Variants in HTRA1 observed in about 807,000 individuals in gnomAD.
The protein encoded by HTRA1 is serine protease HTRA1.
In HTRA1, 26 loss-of-function variants were observed where a neutral mutation model predicts 49.7. The observed-to-expected ratio is 0.52, with a 90% CI of 0.38 to 0.73. The LOEUF (loss-of-function observed/expected upper bound fraction) is 0.73, where lower values mean the gene tolerates loss of function less well. Among genes scored for constraint, HTRA1 ranks in the 30% least tolerant of loss-of-function variants. HTRA1 has a pLI of 0.00. For missense variants in HTRA1, 561 were observed against 667.2 expected, an observed-to-expected ratio of 0.84 and a Z score of 1.75; for synonymous variants, 291 against 286.9, an observed-to-expected ratio of 1.01 and a Z score of -0.14.
intron 1 of HTRA1, among the ~76,000 whole-genome samples, chr10:122,465,518 C>T (rs967513316): frequency 1.9e-4 from 29 of 152,194 alleles, no homozygotes; most frequent in African/African-American, 6.0e-4. Context: ...GAGCCTCGTT[C>T]ATAACCACCA....
At chr10:122,499,897 C>T (rs1466106756) in intron 3 of HTRA1, among the ~76,000 whole-genome samples, 1 of 152,230 alleles carries the variant, frequency 6.6e-6, no homozygotes, top group East Asian at 1.9e-4. Context: ...CTAGAAGTCC[C>T]AGCCTCCAGA....
intron 1 of HTRA1, among the ~76,000 whole-genome samples, chr10:122,483,047 T>A (rs1339754876): frequency 6.6e-6 from 1 of 152,186 alleles, no homozygotes; most frequent in Non-Finnish European, 1.5e-5. Context: ...TGCAACAAAT[T>A]TTGTTCAGTG....
intron 8 of HTRA1, 130 bp downstream of exon 8, chr10:122,512,195 G>A (rs544286726): frequency 6.4e-6 from 5 of 777,294 alleles, no homozygotes; most frequent in Non-Finnish European, 1.1e-5. Flanking sequence ...GTGGTCGGAC[G>A]TTGCTTGTCA....
chr10:122,505,590 C>T (rs2097502704), intron 3 of HTRA1, among the ~76,000 whole-genome samples: 1 of 152,182 alleles, frequency 6.6e-6, no homozygotes, highest in African/African-American at 2.4e-5. Flanking sequence ...CTGCTCCATC[C>T]CTGGTGGAGG....
Position 122,510,266 on chromosome 10 carries a change from T to C in HTRA1, c.1178+113T>C. On this transcript the variant is annotated intron_variant, in intron 7 of 8. Transcript: ENST00000368984. ...CTTATGCTGCCTTAAGACGTCTCAG[T>C]TTCTGCTTATAATGAAGTAGCATCG... is the stretch of plus-strand genomic sequence containing the variant. 1.7e-5 allele frequency: 14 copies of C among 840,230 alleles called. No individual in the cohort carries two copies. The South Asian group carries it at 2.0e-4, about 12-fold the overall frequency. The allele number at this position is 840,230 out of a possible 1,614,324, so 52.0% of individuals were successfully genotyped here. A position where few individuals can be genotyped will look rare whatever the true frequency, so the allele number is the denominator to read the frequency against.
At position 122,465,563 on chromosome 10, in the gene HTRA1, A is replaced by G. The variant is rs113832738; in HGVS notation, c.472+3439A>G. ...GTTGACAGAGCAACAGAGATTTTAAACCAACCCCAGCTAAGCCCCAGCTAA... is the reference window on the plus strand; with the variant it reads ...GTTGACAGAGCAACAGAGATTTTAAGCCAACCCCAGCTAAGCCCCAGCTAA... On this transcript the variant is annotated intron_variant, in intron 1 of 8. Transcript: ENST00000368984. 1.8e-3 allele frequency among the ~76,000 whole-genome samples: 280 copies of G among 152,246 alleles called. 3 individuals carry two copies. The highest frequency in any genetic ancestry group is 6.5e-3 in the African/African-American group (269 of 41,546).
At chr10:122,508,569 G>T in intron 5 of HTRA1, 87 bp from the exon 6 acceptor site, 1 of 881,090 alleles carries the variant, frequency 1.1e-6, no homozygotes, top group Admixed American at 1.7e-5. Flanking sequence ...AATAGCTCAG[G>T]GACTTCTTTC....
intron 1 of HTRA1, among the ~76,000 whole-genome samples, chr10:122,465,803 AGCCCTTCC>A (rs1297818018): frequency 2.0e-5 from 3 of 152,212 alleles, no homozygotes; most frequent in Non-Finnish European, 4.4e-5. Context: ...GAAGAGAGAA[AGCCCTTCC>A]AGATTCCCCC....
At chr10:122,462,873 C>G (rs890397183) in intron 1 of HTRA1, among the ~76,000 whole-genome samples, 1 of 152,260 alleles carries the variant, frequency 6.6e-6, no homozygotes, top group Non-Finnish European at 1.5e-5. Context: ...GTCTACCCCT[C>G]TGTTCCTACA....
intron 1 of HTRA1, among the ~76,000 whole-genome samples, chr10:122,486,036 G>A (rs925465317): frequency 2.0e-5 from 3 of 152,158 alleles, no homozygotes; most frequent in Non-Finnish European, 2.9e-5. Flanking sequence ...TGCTCGGGGG[G>A]ACACACCAAT....
chr10:122,464,510 A>T lies in HTRA1; in HGVS notation c.472+2386A>T, dbSNP rs902033693. 6.6e-6 allele frequency among the ~76,000 whole-genome samples: 1 copy of T among 152,240 alleles called. No homozygotes were observed. Among genetic ancestry groups the T allele is most frequent in the Admixed American group, 6.5e-5 (1 of 15,284 alleles). On this transcript the variant is annotated intron_variant, in intron 1 of 8. Transcript: ENST00000368984. The surrounding 1 kb of genome is among the most constrained non-coding windows in gnomAD (Gnocchi z 4.8). ...CCGTTTGCATGTTTGTCTGTCTGGC[A>T]CATCGGAGGTACTTGGTACGAGTGG...
rs940334822 is a variant in HTRA1, at chr10:122,461,877, G to T, written c.225G>T (p.Ala75=). The T allele has an allele frequency of 6.5e-6, 8 of 1,238,112 alleles. No individual in the cohort carries two copies. In the South Asian group the frequency reaches 9.8e-5, roughly 15 times the overall value. 76.7% of individuals were successfully genotyped at this position (1,238,112 alleles called of 1,614,324 possible). A position where few individuals can be genotyped will look rare whatever the true frequency, so the allele number is the denominator to read the frequency against. Residue 75 remains alanine, a synonymous_variant, in exon 1 of 9, where the codon GCG becomes GCT. Coordinates refer to ENST00000368984, the MANE Select transcript of HTRA1 (RefSeq NM_002775.5). The part of the protein sequence containing the change: ...CEVCGAPEGA[A]CGLQEGPCGE... ...TGTGCGGCGCGCCCGAGGGCGCCGC[G>T]TGCGGCCTGCAGGAGGGCCCGTGCG...
intron 1 of HTRA1, among the ~76,000 whole-genome samples, chr10:122,480,223 G>A (rs1379482421): frequency 1.3e-5 from 2 of 151,972 alleles, no homozygotes; most frequent in Middle Eastern, 6.3e-3. Context: ...GCCGAAAGGT[G>A]TGACCTTTCT....
At chr10:122,512,264 C>A (rs1228193524) in intron 8 of HTRA1, among the ~76,000 whole-genome samples, 199 bp downstream of exon 8, 1 of 152,086 alleles carries the variant, frequency 6.6e-6, no homozygotes, top group African/African-American at 2.4e-5. Flanking sequence ...TAGGAGGGTG[C>A]CTTCTGTCTT....
intron 1 of HTRA1, among the ~76,000 whole-genome samples, chr10:122,477,776 G>T (rs955149982): frequency 2.6e-5 from 4 of 151,924 alleles, no homozygotes; most frequent in African/African-American, 7.3e-5. Flanking sequence ...TCCTTTCATG[G>T]TCGAGAGGTT....
intron 1 of HTRA1, among the ~76,000 whole-genome samples, chr10:122,478,392 A>ATTT (rs34977432): frequency 0.42 from 49,310 of 118,482 alleles, 12,230 homozygotes; most frequent in African/African-American, 0.59. Flanking sequence ...AGTTTGACAG[A>ATTT]TTTTTTTTTT....
chr10:122,472,568 ATATTTT>A (rs1318699012), intron 1 of HTRA1, among the ~76,000 whole-genome samples: 2 of 151,818 alleles, frequency 1.3e-5, no homozygotes, highest in African/African-American at 4.8e-5. Flanking sequence ...GCTACCTTTT[ATATTTT>A]TAAGTAGAGA....
Position 122,489,521 on chromosome 10 carries a change from C to T in HTRA1, c.672C>T (p.Asn224=), listed in dbSNP as rs756634374. 1.2e-6 allele frequency: 2 copies of T among 1,614,188 alleles called. No homozygotes were observed. The highest frequency in any genetic ancestry group is 1.7e-6 in the Non-Finnish European group (2 of 1,180,028). ...LIVTNAHVVT[N]KHRVKVELKN... ...TGACAAATGCCCACGTGGTGACCAA[C>T]AAGCACCGGGTCAAAGTTGAGCTGA... Residue 224 remains asparagine, a synonymous_variant, in exon 3 of 9, where the codon AAC becomes AAT. Transcript: ENST00000368984.
chr10:122,465,926 A>G (rs2097483577), intron 1 of HTRA1, among the ~76,000 whole-genome samples: 1 of 152,092 alleles, frequency 6.6e-6, no homozygotes, highest in South Asian at 2.1e-4. Flanking sequence ...AGCCTCATCC[A>G]TTTCTCCTGC....
Sources: allele counts gnomAD v4.1 joint callset (sites outside exome capture counted in the v4.1 genomes callset), GRCh38; gene constraint gnomAD v4.1.1; non-coding constraint Gnocchi (gnomAD v3.1); transcripts MANE v1.5; gene names NCBI Gene and HGNC (gene_info 2026-07-23, HGNC 2026-07-21).